SNTG1: variants seen among roughly 807,000 people sequenced by gnomAD.
The protein encoded by SNTG1 is syntrophin gamma 1.
SNTG1 carries 39 observed loss-of-function variants against 74.7 expected under a neutral mutation model. The observed-to-expected ratio is 0.52, with a 90% CI of 0.40 to 0.68. The LOEUF (loss-of-function observed/expected upper bound fraction) is 0.68. SNTG1 is among the 30% of genes least tolerant of loss of function. The pLI is 0.00. For missense variants in SNTG1, 685 were observed against 609.5 expected (o/e 1.12, Z -1.30); for synonymous variants, 254 against 217.1 (o/e 1.17, Z -1.49).
chr8:50,035,218 C>T (rs926914622), intron 1 of SNTG1, among the ~76,000 whole-genome samples: 10 of 152,208 alleles, frequency 6.6e-5, no homozygotes, highest in Admixed American at 2.6e-4. Context: ...CTGGGTGTCT[C>T]TCTTAGAGTT....
chr8:50,400,141 A>G (rs551514095), intron 3 of SNTG1, among the ~76,000 whole-genome samples: 1 of 152,338 alleles, frequency 6.6e-6, no homozygotes, highest in East Asian at 1.9e-4. Context: ...TTAAAGTAGC[A>G]GACTCCCAGC....
chr8:49,916,195 A>G (rs1254190621), intron 1 of SNTG1, among the ~76,000 whole-genome samples: 1 of 724 alleles, frequency 1.4e-3, no homozygotes, highest in Non-Finnish European at 5.8e-3. Context: ...TGTCAAATAC[A>G]CACACACACA....
intron 1 of SNTG1, among the ~76,000 whole-genome samples, chr8:49,936,058 CT>C (rs1239329431): frequency 1.3e-5 from 2 of 152,124 alleles, no homozygotes; most frequent in East Asian, 3.9e-4. Context: ...TTTATGAACA[CT>C]GAAAAAAATC....
chr8:50,054,069 A>G (rs1326455113), intron 1 of SNTG1, among the ~76,000 whole-genome samples: 1 of 152,044 alleles, frequency 6.6e-6, no homozygotes, highest in Non-Finnish European at 1.5e-5. Context: ...ACTTACTATA[A>G]TATTGATTCT....
At chr8:50,789,055 C>G (rs2095683887) in intron 18 of SNTG1, among the ~76,000 whole-genome samples, 1 of 151,900 alleles carries the variant, frequency 6.6e-6, no homozygotes. Flanking sequence ...TTCCTATGCC[C>G]CCTTTAAAAA....
intron 18 of SNTG1, among the ~76,000 whole-genome samples, chr8:50,788,473 A>G (rs1330878374): frequency 2.0e-5 from 3 of 151,940 alleles, no homozygotes; most frequent in Non-Finnish European, 4.4e-5. Flanking sequence ...AATTTTGTTC[A>G]GAGGACTCAA....
At chr8:50,646,290 G>A (rs1048079803) in intron 13 of SNTG1, among the ~76,000 whole-genome samples, 6 of 152,090 alleles carry the variant, frequency 3.9e-5, no homozygotes, top group African/African-American at 1.4e-4. Flanking sequence ...TCTGTCCTTT[G>A]GAAGGTTCAT....
intron 13 of SNTG1, among the ~76,000 whole-genome samples, chr8:50,634,330 C>G (rs2095024629): frequency 6.6e-6 from 1 of 152,214 alleles, no homozygotes; most frequent in African/African-American, 2.4e-5. Context: ...ATCACCTTTG[C>G]TGGTCAAATT....
chr8:50,383,763 C>T (rs2092529109), intron 2 of SNTG1, among the ~76,000 whole-genome samples: 1 of 152,130 alleles, frequency 6.6e-6, no homozygotes, highest in African/African-American at 2.4e-5. Flanking sequence ...TAAGACACAC[C>T]TAAGGAACCT....
chr8:50,590,076 T>A (rs149556793), intron 12 of SNTG1, among the ~76,000 whole-genome samples: 3 of 152,266 alleles, frequency 2.0e-5, no homozygotes, highest in African/African-American at 7.2e-5. Context: ...TTCACACTAG[T>A]CAGTAGGATA....
At chr8:50,192,115 A>G (rs770672507) in intron 2 of SNTG1, among the ~76,000 whole-genome samples, 1 of 152,156 alleles carries the variant, frequency 6.6e-6, no homozygotes, top group African/African-American at 2.4e-5. Flanking sequence ...CCCAGTGGGC[A>G]TCCCACCCTG....
rs541488483 is a variant in SNTG1, at chr8:50,467,268, A to G, written c.363+16539A>G. 2.0e-4 allele frequency among the ~76,000 whole-genome samples: 31 copies of G among 152,060 alleles called. No homozygotes were observed. The South Asian group carries it at 6.0e-3, about 29-fold the overall frequency. On this transcript the variant is annotated intron_variant, in intron 8 of 18. Coordinates refer to ENST00000642720, the MANE Select transcript of SNTG1 (RefSeq NM_018967.5). ...ATTATTTCTTCATTAAATATGTGAT[A>G]TAATTTACTAACGAAACTCTAGATT...
chr8:50,126,733 G>A (rs1221061632), intron 1 of SNTG1, among the ~76,000 whole-genome samples: 1 of 152,052 alleles, frequency 6.6e-6, no homozygotes, highest in Non-Finnish European at 1.5e-5. Flanking sequence ...ATTACCAGTG[G>A]AGAAACTTCT....
chr8:50,013,968 A>G (rs191451168), intron 1 of SNTG1, among the ~76,000 whole-genome samples: 175 of 152,310 alleles, frequency 1.1e-3, no homozygotes, highest in African/African-American at 3.8e-3. Flanking sequence ...AAATACAACA[A>G]GACAACTAAA....
intron 1 of SNTG1, among the ~76,000 whole-genome samples, chr8:50,095,709 CTTTG>C (rs1169058852): frequency 6.6e-6 from 1 of 151,960 alleles, no homozygotes; most frequent in African/African-American, 2.4e-5. Context: ...TGTTTGTTTG[CTTTG>C]TTTATTTCTT....
At chr8:49,961,713 C>A (rs1810698556) in intron 1 of SNTG1, among the ~76,000 whole-genome samples, 1 of 152,166 alleles carries the variant, frequency 6.6e-6, no homozygotes, top group African/African-American at 2.4e-5. Context: ...TGATTGAAAG[C>A]ATCTGCGGAG....
intron 12 of SNTG1, among the ~76,000 whole-genome samples, chr8:50,570,867 G>A (rs933336094): frequency 6.6e-6 from 1 of 151,710 alleles, no homozygotes; most frequent in African/African-American, 2.4e-5. Flanking sequence ...GCCTCCCAAA[G>A]TGCTGGGATT....
intron 2 of SNTG1, among the ~76,000 whole-genome samples, chr8:50,373,031 T>C (rs1391174420): frequency 6.6e-6 from 1 of 152,218 alleles, no homozygotes; most frequent in Non-Finnish European, 1.5e-5. Context: ...ATTCTGCATG[T>C]ATATAACTGC....
chr8:50,606,946 T>A (rs983998395), intron 13 of SNTG1, among the ~76,000 whole-genome samples: 10 of 151,894 alleles, frequency 6.6e-5, no homozygotes. Flanking sequence ...AATGTTTTTA[T>A]CCTTTTTATT....
Sources: gnomAD v4.1 joint callset for allele counts (sites outside exome capture counted in the v4.1 genomes callset) on GRCh38, gnomAD v4.1.1 for gene constraint, MANE v1.5 for transcripts, NCBI Gene and HGNC (gene_info 2026-07-23, HGNC 2026-07-21) for gene names.